The following ATRNL1 variants were observed in gnomAD, a reference collection of about 807,000 sequenced individuals.
ATRNL1 encodes the protein attractin-like protein 1.
In ATRNL1, 95 loss-of-function variants were observed where a neutral mutation model predicts 182.7. The observed-to-expected ratio is 0.52, with a 90% CI of 0.44 to 0.62. The LOEUF is 0.62. ATRNL1 is among the 20% of genes least tolerant of loss of function. The pLI, the probability that ATRNL1 is intolerant of heterozygous loss-of-function variation, is 0.00. For missense variants in ATRNL1, 1,471 were observed against 1,679.5 expected (o/e 0.88, Z 2.17); for synonymous variants, 576 against 568.3 (o/e 1.01, Z -0.19).
At chr10:115,157,747 G>C (rs1289849028) in intron 5 of ATRNL1, among the ~76,000 whole-genome samples, 8 of 152,024 alleles carry the variant, frequency 5.3e-5, no homozygotes, top group African/African-American at 1.9e-4. Context: ...CATCTGTAAA[G>C]TTCCTTTTGC....
At chr10:115,922,210 T>G (rs1953087361) in intron 28 of ATRNL1, among the ~76,000 whole-genome samples, 2 of 152,204 alleles carry the variant, frequency 1.3e-5, no homozygotes, top group South Asian at 4.1e-4. Flanking sequence ...AGGGAAAATA[T>G]TTTTATTTTA....
At chr10:115,496,085 T>C (rs544321304) in intron 24 of ATRNL1, among the ~76,000 whole-genome samples, 1 of 152,194 alleles carries the variant, frequency 6.6e-6, no homozygotes, top group African/African-American at 2.4e-5. Context: ...CATCTTTGTC[T>C]TTTTTGATCA....
At chr10:115,537,902 A>T (rs782689731) in intron 25 of ATRNL1, among the ~76,000 whole-genome samples, 3 of 152,072 alleles carry the variant, frequency 2.0e-5, no homozygotes, top group Non-Finnish European at 4.4e-5. Context: ...CCCCACCCCT[A>T]CACGCTGGCA....
chr10:115,522,370 C>T (rs1285899837), intron 25 of ATRNL1, among the ~76,000 whole-genome samples: 1 of 152,070 alleles, frequency 6.6e-6, no homozygotes, highest in Non-Finnish European at 1.5e-5. Flanking sequence ...GAAGAGGTGA[C>T]AGCCAGAGAC....
At chr10:115,831,263 C>A (rs1950553798) in intron 27 of ATRNL1, among the ~76,000 whole-genome samples, 1 of 152,096 alleles carries the variant, frequency 6.6e-6, no homozygotes, top group African/African-American at 2.4e-5. Flanking sequence ...CGCCCCTCTC[C>A]CCTCCTAGCA....
chr10:115,659,496 C>G (rs935968251), intron 26 of ATRNL1, among the ~76,000 whole-genome samples: 2 of 152,022 alleles, frequency 1.3e-5, no homozygotes, highest in African/African-American at 2.4e-5. Context: ...GAAAATATAT[C>G]CATGTAAGTT....
At chr10:115,805,078 G>A (rs542936475) in intron 27 of ATRNL1, among the ~76,000 whole-genome samples, 1 of 152,216 alleles carries the variant, frequency 6.6e-6, no homozygotes, top group East Asian at 1.9e-4. Context: ...TATTTTTCAA[G>A]GGGTACAATT....
intron 26 of ATRNL1, among the ~76,000 whole-genome samples, chr10:115,690,715 C>T (rs1555047883): frequency 6.6e-6 from 1 of 152,310 alleles, no homozygotes; most frequent in Non-Finnish European, 1.5e-5. Context: ...AAGATGCAGT[C>T]CCATGGCAAC....
intron 26 of ATRNL1, among the ~76,000 whole-genome samples, chr10:115,672,347 A>G (rs1945722824): frequency 6.6e-6 from 1 of 152,134 alleles, no homozygotes; most frequent in Admixed American, 6.6e-5. Flanking sequence ...TCCGAAGCCT[A>G]TTCTTTTTCC....
At chr10:115,120,713 T>C (rs1592127679) in intron 2 of ATRNL1, among the ~76,000 whole-genome samples, 1 of 152,126 alleles carries the variant, frequency 6.6e-6, no homozygotes, top group Admixed American at 6.5e-5. Context: ...AAACAATCTA[T>C]CTATTTAAAT....
chr10:115,797,451 A>G (rs1426468063), intron 27 of ATRNL1, among the ~76,000 whole-genome samples: 6 of 152,184 alleles, frequency 3.9e-5, no homozygotes, highest in Non-Finnish European at 8.8e-5. Context: ...CCTGGGGCAG[A>G]AGGAAGGGCT....
chr10:115,555,464 G>C (rs1427881920), intron 26 of ATRNL1, among the ~76,000 whole-genome samples: 1 of 151,646 alleles, frequency 6.6e-6, no homozygotes. Context: ...AAAGATTCGA[G>C]AAAGAAATTC....
chr10:115,703,822 C>T (rs1465711465), intron 26 of ATRNL1, among the ~76,000 whole-genome samples: 2 of 151,684 alleles, frequency 1.3e-5, no homozygotes, highest in African/African-American at 4.8e-5. Flanking sequence ...TCAAAATTTA[C>T]TGTGGAGCTT....
At chr10:115,096,034 G>A (rs1030351986) in intron 1 of ATRNL1, among the ~76,000 whole-genome samples, 19 of 152,152 alleles carry the variant, frequency 1.2e-4, no homozygotes, top group African/African-American at 4.6e-4. Context: ...AAAGATCACA[G>A]ATCAAGTTAA....
At chr10:115,299,618 T>A (rs1017158567) in intron 15 of ATRNL1, among the ~76,000 whole-genome samples, 10 of 152,098 alleles carry the variant, frequency 6.6e-5, no homozygotes, top group African/African-American at 2.2e-4. Flanking sequence ...ATGCAGATAA[T>A]GGCAATTTAT....
chr10:115,469,268 G>A lies in ATRNL1; in HGVS notation c.3593G>A (p.Ser1198Asn), dbSNP rs147290063. 3.2e-4 allele frequency: 489 copies of A among 1,531,818 alleles called. No homozygotes were observed. Among genetic ancestry groups the A allele is most frequent in the Non-Finnish European group, 4.2e-4 (480 of 1,140,058 alleles). The allele number at this position is 1,531,818 out of a possible 1,614,324, so 94.9% of individuals were successfully genotyped here. A position where few individuals can be genotyped will look rare whatever the true frequency, so the allele number is the denominator to read the frequency against. ...TCCTATGAAAAATTTAACTTTAGAA[G>A]CAATCCTAACATTACATTCTATGTG... ...SFSYEKFNFR[S>N]NPNITFYVYV... The change falls in exon 24 of 29, where the codon AGC becomes AAC. Residue 1198 changes from serine (S) to asparagine (N), a missense_variant. By Grantham distance (46) the Ser-to-Asn change is conservative. This residue lies in a region of ATRNL1 where 437 missense variants were observed against 506.0 expected (regional missense o/e 0.86). Transcript: ENST00000355044.
intron 27 of ATRNL1, among the ~76,000 whole-genome samples, chr10:115,843,066 A>G (rs782170567): frequency 4.6e-5 from 7 of 152,196 alleles, no homozygotes; most frequent in Non-Finnish European, 8.8e-5. Context: ...TTATTTCACC[A>G]TGTGACCTCT....
At chr10:115,492,461 A>G (rs1849345645) in intron 24 of ATRNL1, among the ~76,000 whole-genome samples, 1 of 151,242 alleles carries the variant, frequency 6.6e-6, no homozygotes, top group African/African-American at 2.4e-5. Context: ...CATCTTTGTT[A>G]TAGTATTTCC....
chr10:115,411,272 ATATT>A (rs1403068430), intron 20 of ATRNL1, among the ~76,000 whole-genome samples: 5 of 150,656 alleles, frequency 3.3e-5, no homozygotes, highest in Admixed American at 3.3e-4. Flanking sequence ...AATAAATTAA[ATATT>A]TAAATTTAAA....
Sources: gnomAD v4.1 joint callset for allele counts (sites outside exome capture counted in the v4.1 genomes callset) on GRCh38, gnomAD v4.1.1 for gene constraint, gnomAD v4.1.1 regional missense constraint, MANE v1.5 for transcripts, NCBI Gene and HGNC (gene_info 2026-07-23, HGNC 2026-07-21) for gene names.